PSPH: variants seen among roughly 807,000 people sequenced by gnomAD.
The protein encoded by PSPH is phosphoserine phosphatase.
In PSPH, 16 loss-of-function variants were observed where a neutral mutation model predicts 23.4. The observed-to-expected ratio is 0.68, with a 90% CI of 0.46 to 1.04. The LOEUF (loss-of-function observed/expected upper bound fraction) is 1.04, where lower values mean the gene tolerates loss of function less well. PSPH is among the 50% of genes least tolerant of loss of function. PSPH has a pLI of 0.00. For synonymous variants in PSPH, 68 were observed against 99.7 expected, an observed-to-expected ratio of 0.68 and a Z score of 1.89; for missense variants, 223 against 273.7, an observed-to-expected ratio of 0.81 and a Z score of 1.31.
chr7:56,019,116 A>G (rs1207055736), intron 5 of PSPH, among the ~76,000 whole-genome samples: 7 of 151,998 alleles, frequency 4.6e-5, no homozygotes, highest in Non-Finnish European at 8.8e-5. Flanking sequence ...GTACTCCAAC[A>G]TGGGCAACAG....
chr7:56,027,040 T>A (rs1696485762), intron 3 of PSPH, among the ~76,000 whole-genome samples: 1 of 151,888 alleles, frequency 6.6e-6, no homozygotes, highest in Non-Finnish European at 1.5e-5. Flanking sequence ...ACCCCGTCTC[T>A]ACTAAAAATA....
chr7:56,033,542 AATAAAT>A (rs1283268560), intron 2 of PSPH: 1 of 151,346 alleles, frequency 6.6e-6, no homozygotes, highest in African/African-American at 2.4e-5. Context: ...AAGAAAATAT[AATAAAT>A]ATATTTAATG....
intron 5 of PSPH, among the ~76,000 whole-genome samples, chr7:56,018,208 T>C (rs1788842045): frequency 6.6e-6 from 1 of 151,962 alleles, no homozygotes; most frequent in African/African-American, 2.4e-5. Context: ...GCTGGGCATG[T>C]TGGCACATGC....
At chr7:56,024,708 A>C (rs954668678) in intron 3 of PSPH, among the ~76,000 whole-genome samples, 2 of 151,950 alleles carry the variant, frequency 1.3e-5, no homozygotes, top group East Asian at 1.9e-4. Flanking sequence ...TGACCATGAC[A>C]CTGCACTGCA....
intron 1 of PSPH, among the ~76,000 whole-genome samples, chr7:56,047,105 T>A (rs1408591358): frequency 6.6e-6 from 1 of 151,920 alleles, no homozygotes; most frequent in African/African-American, 2.4e-5. Context: ...ATTGATGGGC[T>A]GGGTACAGTG....
At chr7:56,037,682 G>C (rs1791903092) in intron 1 of PSPH, among the ~76,000 whole-genome samples, 1 of 148,404 alleles carries the variant, frequency 6.7e-6, no homozygotes, top group Non-Finnish European at 1.5e-5. Flanking sequence ...GTTTTCTATA[G>C]ATCACATTTT....
rs562697877 is a variant in PSPH, at chr7:56,034,040, C to A, written c.-225G>T. The A allele has an allele frequency of 6.5e-6, 1 of 152,786 alleles. No homozygotes were observed. The highest frequency in any genetic ancestry group is 1.5e-5 in the Non-Finnish European group (1 of 68,424). 9.5% of individuals were successfully genotyped at this position (152,786 alleles called of 1,614,324 possible). A position where few individuals can be genotyped will look rare whatever the true frequency, so the allele number is the denominator to read the frequency against. ...GCCAGCGCCGGCTCCGACGCTCGGG[C>A]GAGCAGTTCCCAGGGAGGTGAGCTG... On this transcript the variant is annotated 5_prime_UTR_variant, in exon 2 of 8. Coordinates refer to ENST00000275605, the MANE Select transcript of PSPH (RefSeq NM_004577.4).
At chr7:56,049,891 C>G (rs1793768988) in intron 1 of PSPH, among the ~76,000 whole-genome samples, 1 of 151,820 alleles carries the variant, frequency 6.6e-6, no homozygotes, top group Admixed American at 6.6e-5. Flanking sequence ...CAGATGCACA[C>G]CACCAGGCCA....
chr7:56,022,524 C>T (rs141558955), intron 3 of PSPH, among the ~76,000 whole-genome samples: 2 of 152,094 alleles, frequency 1.3e-5, no homozygotes, highest in East Asian at 3.9e-4. Flanking sequence ...TGAGCAAAGA[C>T]AAGGAGAAGG....
intron 7 of PSPH, 67 bp from the exon 8 acceptor site, chr7:56,011,936 C>T (rs1300127252): frequency 1.0e-5 from 13 of 1,290,374 alleles, no homozygotes; most frequent in South Asian, 8.9e-5. Context: ...TTTGGAGTCT[C>T]GCTCTGTCAC....
chr7:56,046,798 C>CAA (rs532617669), intron 1 of PSPH, among the ~76,000 whole-genome samples: 789 of 68,102 alleles, frequency 0.012, 12 homozygotes, highest in African/African-American at 0.039. Flanking sequence ...GACTCCACCT[C>CAA]AAAAAAAAAA....
chr7:56,027,042 C>T (rs1474836425), intron 3 of PSPH, among the ~76,000 whole-genome samples: 2 of 151,890 alleles, frequency 1.3e-5, no homozygotes, highest in African/African-American at 2.4e-5. Context: ...CCCGTCTCTA[C>T]TAAAAATACA....
At chr7:56,049,269 T>G (rs1793669597) in intron 1 of PSPH, among the ~76,000 whole-genome samples, 1 of 151,936 alleles carries the variant, frequency 6.6e-6, no homozygotes, top group Non-Finnish European at 1.5e-5. Context: ...GTATTTGTCT[T>G]AATGCTCTCC....
intron 1 of PSPH, among the ~76,000 whole-genome samples, chr7:56,050,373 C>T (rs1044026167): frequency 2.0e-5 from 3 of 152,136 alleles, no homozygotes; most frequent in Non-Finnish European, 4.4e-5. Context: ...TCCAGCAATC[C>T]TCCCACCTCA....
chr7:56,041,939 T>A (rs1792597160), intron 1 of PSPH, among the ~76,000 whole-genome samples: 1 of 145,238 alleles, frequency 6.9e-6, no homozygotes, highest in Admixed American at 6.8e-5. Flanking sequence ...AAAAAAGATC[T>A]GGACCGGGCG....
At chr7:56,041,399 G>C (rs1792523963) in intron 1 of PSPH, among the ~76,000 whole-genome samples, 1 of 151,564 alleles carries the variant, frequency 6.6e-6, no homozygotes, top group Admixed American at 6.6e-5. Context: ...TTTTAGTAGA[G>C]ATGGGGTTTC....
intron 1 of PSPH, among the ~76,000 whole-genome samples, chr7:56,045,172 C>T (rs1793067269): frequency 6.6e-6 from 1 of 151,734 alleles, no homozygotes; most frequent in African/African-American, 2.4e-5. Flanking sequence ...TTCTTCCTTA[C>T]AGCAGAATTT....
intron 4 of PSPH, chr7:56,019,936 C>T (rs770094687): frequency 2.2e-4 from 152 of 693,314 alleles, no homozygotes; most frequent in Non-Finnish European, 3.4e-4. Flanking sequence ...CATTAACAGG[C>T]TGGGTGCAGT....
chr7:56,033,502 A>G (rs1216035278), intron 2 of PSPH: 1 of 151,172 alleles, frequency 6.6e-6, no homozygotes, highest in Non-Finnish European at 1.5e-5. Context: ...TGTCTGAAAA[A>G]AAAAAAAATA....
Sources: gnomAD v4.1 joint callset for allele counts (sites outside exome capture counted in the v4.1 genomes callset) on GRCh38, gnomAD v4.1.1 for gene constraint, MANE v1.5 for transcripts, NCBI Gene and HGNC (gene_info 2026-07-23, HGNC 2026-07-21) for gene names.